NCKAP5: variants seen among roughly 807,000 people sequenced by gnomAD.
NCKAP5 encodes the protein nck-associated protein 5.
Under a neutral mutation model 167.0 loss-of-function variants are expected in NCKAP5, and 92 were observed. That is an observed-to-expected ratio of 0.55 (90% CI 0.47 to 0.66). The LOEUF (loss-of-function observed/expected upper bound fraction) is 0.66. NCKAP5 is among the 30% of genes least tolerant of loss of function. The pLI is 0.00. For synonymous variants in NCKAP5, 891 were observed against 877.4 expected (o/e 1.02, Z -0.27); for missense variants, 2,378 against 2,315.0 (o/e 1.03, Z -0.56).
At chr2:133,303,641 C>CT (rs981680081) in intron 3 of NCKAP5, among the ~76,000 whole-genome samples, 47 of 150,562 alleles carry the variant, frequency 3.1e-4, no homozygotes, top group African/African-American at 8.3e-4. Context: ...AGTGTATTTG[C>CT]TTTTTTTTTA....
chr2:133,466,328 G>A (rs1232438213), intron 3 of NCKAP5, among the ~76,000 whole-genome samples: 4 of 148,954 alleles, frequency 2.7e-5, no homozygotes, highest in Admixed American at 1.3e-4. Context: ...GTAGATATGC[G>A]GCATTATTTC....
chr2:132,908,580 T>C (rs1291805951), intron 8 of NCKAP5, among the ~76,000 whole-genome samples: 1 of 152,260 alleles, frequency 6.6e-6, no homozygotes, highest in Non-Finnish European at 1.5e-5. Flanking sequence ...TAATGCTAAT[T>C]GTTTTTAAGC....
chr2:133,383,227 C>T (rs1156935904), intron 3 of NCKAP5, among the ~76,000 whole-genome samples: 1 of 152,140 alleles, frequency 6.6e-6, no homozygotes, highest in East Asian at 1.9e-4. Flanking sequence ...CCCTTCACCC[C>T]ACAACAGGCC....
intron 3 of NCKAP5, among the ~76,000 whole-genome samples, chr2:133,387,415 G>A (rs886430229): frequency 2.6e-5 from 4 of 152,216 alleles, no homozygotes; most frequent in Admixed American, 2.0e-4. Flanking sequence ...CGAGAGATCA[G>A]CTGTTAGTCT....
At chr2:133,068,253 T>TA (rs1228212918) in intron 6 of NCKAP5, among the ~76,000 whole-genome samples, 1 of 152,174 alleles carries the variant, frequency 6.6e-6, no homozygotes, top group Admixed American at 6.5e-5. Flanking sequence ...CACTCAGATG[T>TA]ACAAGATCCC....
intron 8 of NCKAP5, among the ~76,000 whole-genome samples, chr2:132,890,985 G>A (rs936921632): frequency 2.0e-5 from 3 of 152,138 alleles, no homozygotes; most frequent in Non-Finnish European, 4.4e-5. Flanking sequence ...CAACCCATTA[G>A]GTTTAGGACC....
At chr2:133,565,853 T>G (rs1688510063) in intron 1 of NCKAP5, among the ~76,000 whole-genome samples, 1 of 152,256 alleles carries the variant, frequency 6.6e-6, no homozygotes, top group Admixed American at 6.5e-5. Context: ...ATTTAATTCA[T>G]TCATTTATTT....
At chr2:133,482,682 T>G (rs1055521124) in intron 3 of NCKAP5, among the ~76,000 whole-genome samples, 55 of 152,350 alleles carry the variant, frequency 3.6e-4, no homozygotes, top group African/African-American at 1.2e-3. Context: ...CTGGATCAAA[T>G]CATAATTCTA....
chr2:132,895,872 T>A (rs536129739), intron 8 of NCKAP5, among the ~76,000 whole-genome samples: 1 of 147,922 alleles, frequency 6.8e-6, no homozygotes, highest in Non-Finnish European at 1.5e-5. Context: ...CAGTGGCCCA[T>A]GCCTGTAATC....
chr2:133,448,214 A>G (rs1691325297), intron 3 of NCKAP5, among the ~76,000 whole-genome samples: 1 of 151,600 alleles, frequency 6.6e-6, no homozygotes. Context: ...CCCTTTGTCA[A>G]CCTTCTGGCC....
At chr2:132,862,800 ACTTT>A (rs1453726340) in intron 10 of NCKAP5, among the ~76,000 whole-genome samples, 2 of 151,458 alleles carry the variant, frequency 1.3e-5, no homozygotes, top group African/African-American at 2.4e-5. Flanking sequence ...CAAAGGTGAA[ACTTT>A]CTTTATTTTT....
chr2:132,878,180 T>C (rs1691435038), intron 9 of NCKAP5, among the ~76,000 whole-genome samples: 1 of 152,174 alleles, frequency 6.6e-6, no homozygotes, highest in South Asian at 2.1e-4. Flanking sequence ...TGAGCGCATG[T>C]CTGTTTTCTC....
intron 3 of NCKAP5, among the ~76,000 whole-genome samples, chr2:133,468,200 G>T (rs1171628620): frequency 7.2e-6 from 1 of 138,906 alleles, no homozygotes; most frequent in African/African-American, 2.8e-5. Context: ...CAGAGATTCT[G>T]GTATATTGTG....
intron 3 of NCKAP5, among the ~76,000 whole-genome samples, chr2:133,372,819 C>T (rs948575382): frequency 6.6e-6 from 1 of 152,188 alleles, no homozygotes; most frequent in Admixed American, 6.5e-5. Flanking sequence ...ACTGCAGTCA[C>T]TGTAACTCAG....
At chr2:132,981,561 C>T (rs1241721076) in intron 7 of NCKAP5, among the ~76,000 whole-genome samples, 9 of 152,150 alleles carry the variant, frequency 5.9e-5, no homozygotes, top group African/African-American at 1.7e-4. Context: ...ACAGCTCTTT[C>T]CCCCGGTTCA....
intron 2 of NCKAP5, among the ~76,000 whole-genome samples, chr2:133,532,268 T>A (rs1265685975): frequency 6.6e-6 from 1 of 152,234 alleles, no homozygotes; most frequent in Admixed American, 6.5e-5. Context: ...TCTTACATTT[T>A]TTACCATTTT....
intron 19 of NCKAP5, among the ~76,000 whole-genome samples, chr2:132,709,147 AC>A (rs1223855693): frequency 1.4e-5 from 2 of 146,756 alleles, no homozygotes; most frequent in Non-Finnish European, 2.9e-5. Flanking sequence ...TAATATCTAC[AC>A]CCCCCCACCA....
At chr2:133,526,406 G>A (rs1374100330) in intron 2 of NCKAP5, among the ~76,000 whole-genome samples, 1 of 151,966 alleles carries the variant, frequency 6.6e-6, no homozygotes, top group East Asian at 1.9e-4. Flanking sequence ...ATATTGATTA[G>A]TAAAATGCAA....
chr2:133,153,718 T>C (rs1294217289), intron 5 of NCKAP5, among the ~76,000 whole-genome samples: 3 of 151,660 alleles, frequency 2.0e-5, no homozygotes, highest in South Asian at 4.2e-4. Context: ...GCTTTCCTAC[T>C]GTTCTTTTCC....
Sources: allele counts gnomAD v4.1 joint callset (sites outside exome capture counted in the v4.1 genomes callset), GRCh38; gene constraint gnomAD v4.1.1; transcripts MANE v1.5; gene names NCBI Gene and HGNC (gene_info 2026-07-23, HGNC 2026-07-21).